The following MAP3K7CL variants were observed in gnomAD, a reference collection of about 807,000 sequenced individuals.
MAP3K7CL encodes MAP3K7 C-terminal-like protein.
A neutral mutation model predicts 18.6 loss-of-function variants in MAP3K7CL; 16 were observed. The ratio of observed to expected loss-of-function variants is 0.86; its 90% CI spans 0.58 to 1.31. The LOEUF (loss-of-function observed/expected upper bound fraction) is 1.31. MAP3K7CL is among the 50% of genes most tolerant of loss of function. The pLI, the probability that MAP3K7CL is intolerant of heterozygous loss-of-function variation, is 0.00. For missense variants in MAP3K7CL, 163 were observed against 174.4 expected (o/e 0.93, Z 0.37); for synonymous variants, 65 against 66.8 (o/e 0.97, Z 0.13).
At chr21:29,171,805 T>TAAAAA (rs2087835771) in intron 4 of MAP3K7CL, among the ~76,000 whole-genome samples, 1 of 47,790 alleles carries the variant, frequency 2.1e-5, no homozygotes, top group Non-Finnish European at 3.1e-5. Context: ...AGACTCCATC[T>TAAAAA]CAAAAAAAAA....
chr21:29,130,661 TAG>T lies in MAP3K7CL; in HGVS notation c.-297_-296del. On this transcript the variant is annotated 5_prime_UTR_variant, in exon 1 of 5. Transcript: ENST00000399928. The stretch of plus-strand genomic sequence containing the variant: ...AGAAAGATGACAACATCCTGGCTGT[TAG>T]AGAGGCAAGGAAAGGAGAGAGGGGT... 1.0e-6 allele frequency: 1 copy of T among 985,454 alleles called. No individual in the cohort carries two copies. Among genetic ancestry groups the T allele is most frequent in the South Asian group, 4.7e-5 (1 of 21,290 alleles). 61.0% of individuals were successfully genotyped at this position (985,454 alleles called of 1,614,324 possible). A position where few individuals can be genotyped will look rare whatever the true frequency, so the allele number is the denominator to read the frequency against.
intron 1 of MAP3K7CL, among the ~76,000 whole-genome samples, chr21:29,080,315 T>C (rs1284601275): frequency 1.3e-5 from 2 of 152,206 alleles, no homozygotes; most frequent in African/African-American, 2.4e-5. Context: ...CTCCACCAAT[T>C]AGATACTTTC....
At chr21:29,080,726 A>G (rs982363765) in intron 1 of MAP3K7CL, 1 of 151,966 alleles carries the variant, frequency 6.6e-6, no homozygotes, top group Non-Finnish European at 1.5e-5. Context: ...ATTCTGTTAC[A>G]TCTGGGACCT....
intron 4 of MAP3K7CL, among the ~76,000 whole-genome samples, chr21:29,160,701 A>G (rs1304145675): frequency 1.3e-5 from 2 of 152,220 alleles, no homozygotes; most frequent in Non-Finnish European, 2.9e-5. Flanking sequence ...TTTCCTTCAC[A>G]GTACTAGCTG....
At chr21:29,091,882 A>G in intron 3 of MAP3K7CL, 1 of 587,282 alleles carries the variant, frequency 1.7e-6, no homozygotes. Context: ...ATTCCATTTA[A>G]TATTCACAAA....
intron 4 of MAP3K7CL, among the ~76,000 whole-genome samples, chr21:29,168,140 C>A (rs1240772508): frequency 6.6e-6 from 1 of 152,208 alleles, no homozygotes; most frequent in Non-Finnish European, 1.5e-5. Context: ...TTTACTCAGC[C>A]TCCAGAAATT....
intron 4 of MAP3K7CL, among the ~76,000 whole-genome samples, chr21:29,108,839 CTG>C (rs2086369369): frequency 6.6e-6 from 1 of 152,158 alleles, no homozygotes; most frequent in African/African-American, 2.4e-5. Context: ...GTAGAATAAA[CTG>C]TAGAATGTTT....
intron 4 of MAP3K7CL, among the ~76,000 whole-genome samples, chr21:29,103,547 G>A (rs754503107): frequency 3.3e-5 from 5 of 152,104 alleles, no homozygotes; most frequent in Admixed American, 1.3e-4. Context: ...TCTGGCCAAC[G>A]TGATGAAACC....
intron 3 of MAP3K7CL, 73 bp downstream of exon 3, chr21:29,149,323 G>A: frequency 6.7e-6 from 9 of 1,339,448 alleles, no homozygotes; most frequent in Non-Finnish European, 9.7e-6. Flanking sequence ...GCAGAGAGTG[G>A]CCTGACTAGG....
At chr21:29,135,349 A>C (rs933849708) in intron 2 of MAP3K7CL, among the ~76,000 whole-genome samples, 1 of 152,144 alleles carries the variant, frequency 6.6e-6, no homozygotes, top group Non-Finnish European at 1.5e-5. Context: ...CACGCGTGCA[A>C]ACCCAAAATC....
intron 2 of MAP3K7CL, among the ~76,000 whole-genome samples, chr21:29,138,453 C>T (rs994436887): frequency 1.3e-5 from 2 of 152,198 alleles, no homozygotes; most frequent in Non-Finnish European, 2.9e-5. Flanking sequence ...ACTGGCCCTT[C>T]TCCAGCTAGA....
At chr21:29,174,491 G>A (rs541429003) in intron 4 of MAP3K7CL, among the ~76,000 whole-genome samples, 7 of 152,274 alleles carry the variant, frequency 4.6e-5, no homozygotes, top group African/African-American at 9.6e-5. Flanking sequence ...GACTTTTGGT[G>A]TATGGTTAGT....
intron 4 of MAP3K7CL, among the ~76,000 whole-genome samples, chr21:29,105,723 C>T (rs1028200257): frequency 6.6e-6 from 1 of 152,154 alleles, no homozygotes; most frequent in East Asian, 1.9e-4. Flanking sequence ...GTGGAAGGGG[C>T]CAGTGGGGGA....
At chr21:29,081,539 C>T (rs755625466), upstream of MAP3K7CL, among the ~76,000 whole-genome samples, 8 of 151,916 alleles carry the variant, frequency 5.3e-5, no homozygotes, top group Non-Finnish European at 7.4e-5. Flanking sequence ...GGTGACAGAG[C>T]GAGACTCCGT....
At chr21:29,162,546 A>G (rs1047362048) in intron 4 of MAP3K7CL, among the ~76,000 whole-genome samples, 1 of 150,938 alleles carries the variant, frequency 6.6e-6, no homozygotes, top group Non-Finnish European at 1.5e-5. Flanking sequence ...AGCCTGGTGT[A>G]GTGGTGGGCG....
At chr21:29,120,590 A>G (rs2086575267) in intron 4 of MAP3K7CL, among the ~76,000 whole-genome samples, 1 of 152,246 alleles carries the variant, frequency 6.6e-6, no homozygotes, top group South Asian at 2.1e-4. Flanking sequence ...CCTTAAAACC[A>G]GAATATTTCA....
intron 2 of MAP3K7CL, 91 bp downstream of exon 2, chr21:29,133,505 G>A: frequency 1.0e-6 from 1 of 954,454 alleles, no homozygotes; most frequent in Non-Finnish European, 1.5e-6. Flanking sequence ...AAAATTTAAA[G>A]TTGCATGCTT....
chr21:29,082,358 T>C (rs190590941), upstream of MAP3K7CL, among the ~76,000 whole-genome samples: 9 of 152,324 alleles, frequency 5.9e-5, no homozygotes, highest in African/African-American at 2.2e-4. Flanking sequence ...AAAAAATTTC[T>C]AAATTTTTTG....
At chr21:29,091,226 C>A (rs932072767) in intron 1 of MAP3K7CL, among the ~76,000 whole-genome samples, 1 of 152,130 alleles carries the variant, frequency 6.6e-6, no homozygotes, top group East Asian at 1.9e-4. Flanking sequence ...AGTGTATTAC[C>A]AAATGGTGCT....
Sources: gnomAD v4.1 joint callset for allele counts (sites outside exome capture counted in the v4.1 genomes callset) on GRCh38, gnomAD v4.1.1 for gene constraint, MANE v1.5 for transcripts, NCBI Gene and HGNC (gene_info 2026-07-23, HGNC 2026-07-21) for gene names.